The following CPAP variants were observed in gnomAD, a reference collection of about 807,000 sequenced individuals.
CPAP encodes the protein centrosome assembly and centriole elongation protein.
At chr13:24,913,519 C>T in the CPAP span, among the ~76,000 whole-genome samples, 1 of 152,160 alleles carries the variant, frequency 6.6e-6, no homozygotes, top group African/African-American at 2.4e-5. Context: ...GCACAAAAGT[C>T]AACACCAGCA....
At chr13:24,899,538 G>C in the CPAP span, 2 of 1,613,556 alleles carry the variant, frequency 1.2e-6, no homozygotes, top group Non-Finnish European at 1.7e-6. Context: ...TCTTCTATTC[G>C]AGCTAATTCT....
At chr13:24,922,838 A>G in the CPAP span, 1 of 152,696 alleles carries the variant, frequency 6.5e-6, no homozygotes, top group Non-Finnish European at 1.5e-5. Context: ...GGGCCGCCAC[A>G]ATCGCCGCCT....
At chr13:24,882,684 A>G in the CPAP span, 3 of 157,184 alleles carry the variant, frequency 1.9e-5, no homozygotes, top group Non-Finnish European at 4.2e-5. Flanking sequence ...GTAACTTCCC[A>G]TTCTGTTATA....
chr13:24,899,825 G>T, the CPAP span, among the ~76,000 whole-genome samples: 2 of 152,152 alleles, frequency 1.3e-5, no homozygotes, highest in African/African-American at 4.8e-5. Flanking sequence ...AAACATTCTA[G>T]CTGGGCACAG....
the CPAP span, chr13:24,910,074 A>T: frequency 6.2e-7 from 1 of 1,612,530 alleles, no homozygotes; most frequent in Non-Finnish European, 8.5e-7. Context: ...ATCATCAGGC[A>T]GTAAACTCAA....
the CPAP span, among the ~76,000 whole-genome samples, chr13:24,902,636 C>T: frequency 2.6e-5 from 4 of 152,164 alleles, no homozygotes; most frequent in South Asian, 2.1e-4. Context: ...AAAAGAAATA[C>T]GGAAGAGATG....
the CPAP span, chr13:24,933,257 A>ACTC: frequency 1.3e-6 from 1 of 769,930 alleles, no homozygotes; most frequent in Non-Finnish European, 2.1e-6. Flanking sequence ...CTGGAAGCTC[A>ACTC]TCAGGAGAGA....
At chr13:24,906,494 G>T in the CPAP span, 1 of 1,614,032 alleles carries the variant, frequency 6.2e-7, no homozygotes, top group East Asian at 2.2e-5. Context: ...ATTCCACCCT[G>T]TGCAGCCAGT....
the CPAP span, chr13:24,882,985 A>G: frequency 1.7e-6 from 1 of 600,900 alleles, no homozygotes. Flanking sequence ...AAGACAGGGT[A>G]GTGAATTATA....
At chr13:24,890,666 G>A in the CPAP span, among the ~76,000 whole-genome samples, 4 of 152,144 alleles carry the variant, frequency 2.6e-5, no homozygotes, top group South Asian at 2.1e-4. Context: ...GTACAGCCAC[G>A]AATCACTCTA....
the CPAP span, among the ~76,000 whole-genome samples, chr13:24,887,921 G>A: frequency 3.3e-5 from 5 of 152,304 alleles, no homozygotes; most frequent in East Asian, 5.8e-4. Context: ...TGTGTGAGGC[G>A]CAGTAAAGCA....
chr13:24,922,827 T>C, the CPAP span: 2 of 152,528 alleles, frequency 1.3e-5, no homozygotes, highest in African/African-American at 4.8e-5. Flanking sequence ...CATTTACAAA[T>C]GGGCCGCCAC....
At chr13:24,884,847 A>G in the CPAP span, among the ~76,000 whole-genome samples, 5 of 152,366 alleles carry the variant, frequency 3.3e-5, no homozygotes, top group East Asian at 7.7e-4. Context: ...TAAATTTTCC[A>G]TAAACCTGAG....
the CPAP span, among the ~76,000 whole-genome samples, chr13:24,932,715 A>ACACT: frequency 0.012 from 1,843 of 152,306 alleles, 39 homozygotes; most frequent in African/African-American, 0.04. Flanking sequence ...CTTGAGTCAC[A>ACACT]CAATCTGTAA....
chr13:24,911,499 C>A, the CPAP span, among the ~76,000 whole-genome samples: 1 of 152,074 alleles, frequency 6.6e-6, no homozygotes, highest in East Asian at 1.9e-4. Context: ...GGGTTGGATA[C>A]CAGCAGCAGC....
At chr13:24,909,340 A>G in the CPAP span, among the ~76,000 whole-genome samples, 1 of 152,170 alleles carries the variant, frequency 6.6e-6, no homozygotes, top group African/African-American at 2.4e-5. Context: ...TAGCCTGGCC[A>G]ACATGTTGAA....
chr13:24,908,946 A>G, the CPAP span, among the ~76,000 whole-genome samples: 3 of 152,212 alleles, frequency 2.0e-5, no homozygotes, highest in Admixed American at 2.0e-4. Flanking sequence ...ATACCTGCAT[A>G]TTATTTTCAG....
the CPAP span, among the ~76,000 whole-genome samples, chr13:24,921,866 G>C: frequency 2.0e-5 from 3 of 151,096 alleles, no homozygotes; most frequent in Admixed American, 6.6e-5. Context: ...TCAATTTCAT[G>C]ACCGCGATTC....
the CPAP span, chr13:24,906,328 C>G: frequency 5.0e-6 from 8 of 1,606,404 alleles, no homozygotes. Flanking sequence ...CCAAATTTTC[C>G]TTTTCCTTTT....
Sources: allele counts gnomAD v4.1 joint callset (sites outside exome capture counted in the v4.1 genomes callset), GRCh38; gene constraint gnomAD v4.1.1; transcripts MANE v1.5; gene names NCBI Gene and HGNC (gene_info 2026-07-23, HGNC 2026-07-21).